HECW1: variants seen among roughly 807,000 people sequenced by gnomAD.
HECW1 encodes HECT, C2 and WW domain containing E3 ubiquitin protein ligase 1.
HECW1 carries 61 observed loss-of-function variants against 182.3 expected under a neutral mutation model. The observed-to-expected ratio is 0.33, with a 90% CI of 0.27 to 0.41. The LOEUF is 0.41. HECW1 is among the 10% of genes least tolerant of loss of function. HECW1 has a pLI of 1.00. For synonymous variants in HECW1, 859 were observed against 832.6 expected (o/e 1.03, Z -0.55); for missense variants, 1,739 against 2,108.9 (o/e 0.82, Z 3.44).
At chr7:43,235,918 G>A (rs766635437) in intron 2 of HECW1, among the ~76,000 whole-genome samples, 42 of 152,190 alleles carry the variant, frequency 2.8e-4, no homozygotes, top group Non-Finnish European at 5.7e-4. Flanking sequence ...GCCGGGCACG[G>A]TGGTTCACAC....
Position 43,563,162 on chromosome 7 carries a change from G to A in HECW1, c.*1236G>A. On this transcript the variant is annotated 3_prime_UTR_variant, in exon 30 of 30. Transcript: ENST00000395891. ...TCCTTCACCCATAGTAATCCTCCTG[G>A]GGCAGAAACATAACACCCCAAAGGC... 4.9e-6 allele frequency: 1 copy of A among 202,974 alleles called. No homozygotes were observed. Among genetic ancestry groups the A allele is most frequent in the East Asian group, 7.6e-5 (1 of 13,158 alleles). The allele number at this position is 202,974 out of a possible 1,614,324, so 12.6% of individuals were successfully genotyped here.
chr7:43,134,629 C>G (rs951319078), intron 2 of HECW1, among the ~76,000 whole-genome samples: 1 of 151,974 alleles, frequency 6.6e-6, no homozygotes, highest in Non-Finnish European at 1.5e-5. Context: ...CCTCAGCCTC[C>G]TAAGTAGTTG....
At chr7:43,118,915 C>T (rs1785305932) in intron 2 of HECW1, 1 of 152,124 alleles carries the variant, frequency 6.6e-6, no homozygotes, top group South Asian at 2.1e-4. Context: ...ACTCCACATC[C>T]CCCATGATGG....
chr7:43,445,320 C>T lies in HECW1; in HGVS notation c.2148C>T (p.His716=). ...ACAACGGCAACAGGTTCGCCAGCCA[C>T]ACGCGCTTCTCCTCCGTGGACAGCG... The part of the protein sequence containing the change: ...SCYNGNRFAS[H]TRFSSVDSAK... Residue 716 remains histidine (H), a synonymous_variant, in exon 11 of 30, where the codon CAC becomes CAT. Coordinates refer to ENST00000395891, the MANE Select transcript of HECW1 (RefSeq NM_015052.5). The T allele has an allele frequency of 6.2e-7, 1 of 1,613,806 alleles. No individual in the cohort carries two copies. Among genetic ancestry groups the T allele is most frequent in the Middle Eastern group, 1.6e-4 (1 of 6,062 alleles).
chr7:43,530,407 G>T (rs1176525087), intron 24 of HECW1, among the ~76,000 whole-genome samples: 1 of 151,718 alleles, frequency 6.6e-6, no homozygotes, highest in African/African-American at 2.4e-5. Context: ...CATCAGTAAG[G>T]TATACTCATT....
At chr7:43,499,332 G>A (rs2079242338) in intron 19 of HECW1, among the ~76,000 whole-genome samples, 1 of 151,964 alleles carries the variant, frequency 6.6e-6, no homozygotes, top group Admixed American at 6.6e-5. Flanking sequence ...AGCTGAGTGT[G>A]GCGGTGCATG....
At chr7:43,225,517 G>A (rs1286642004) in intron 2 of HECW1, among the ~76,000 whole-genome samples, 4 of 152,114 alleles carry the variant, frequency 2.6e-5, no homozygotes, top group Non-Finnish European at 5.9e-5. Flanking sequence ...TCATCTGTAG[G>A]AGAACAGATA....
chr7:43,159,179 A>AT (rs1790222637), intron 2 of HECW1, among the ~76,000 whole-genome samples: 1 of 92,480 alleles, frequency 1.1e-5, no homozygotes, highest in East Asian at 3.7e-4. Flanking sequence ...ACCTTTGTTC[A>AT]TTTTCTTTTT....
At chr7:43,228,025 T>A (rs1197696114) in intron 2 of HECW1, among the ~76,000 whole-genome samples, 1 of 152,234 alleles carries the variant, frequency 6.6e-6, no homozygotes, top group Non-Finnish European at 1.5e-5. Flanking sequence ...TACCTCTATC[T>A]GGCTGGGAAG....
chr7:43,394,271 G>A (rs10951730), intron 6 of HECW1, among the ~76,000 whole-genome samples: 18,981 of 152,174 alleles, frequency 0.12, 1,331 homozygotes, highest in East Asian at 0.22. Flanking sequence ...TGTGGTCTCT[G>A]AACTGATGGC....
At chr7:43,202,771 G>A (rs770576514) in intron 2 of HECW1, among the ~76,000 whole-genome samples, 1 of 152,198 alleles carries the variant, frequency 6.6e-6, no homozygotes, top group Non-Finnish European at 1.5e-5. Context: ...TATACATCCA[G>A]ATGGCCTGAA....
intron 2 of HECW1, among the ~76,000 whole-genome samples, chr7:43,117,518 G>A (rs1165004261): frequency 8.1e-6 from 1 of 123,846 alleles, no homozygotes; most frequent in Non-Finnish European, 1.7e-5. Context: ...CATTACCATT[G>A]CTTTTCCAAG....
chr7:43,136,389 T>C (rs1188143137), intron 2 of HECW1, among the ~76,000 whole-genome samples: 2 of 152,220 alleles, frequency 1.3e-5, no homozygotes, highest in Non-Finnish European at 2.9e-5. Flanking sequence ...GCAGAGCTCT[T>C]TAGCTCTTCA....
intron 2 of HECW1, among the ~76,000 whole-genome samples, chr7:43,159,343 C>T (rs1416788109): frequency 6.6e-6 from 1 of 151,164 alleles, no homozygotes; most frequent in African/African-American, 2.4e-5. Flanking sequence ...AGCCCCCAAC[C>T]CCCCGACAGG....
chr7:43,291,379 G>C (rs562833914), intron 3 of HECW1, among the ~76,000 whole-genome samples: 2 of 152,304 alleles, frequency 1.3e-5, no homozygotes, highest in African/African-American at 4.8e-5. Context: ...AATAGGTAAA[G>C]GCAAGGGAGA....
At chr7:43,396,713 G>A in intron 6 of HECW1, 101 bp from the exon 7 acceptor site, 2 of 773,942 alleles carry the variant, frequency 2.6e-6, no homozygotes, top group Non-Finnish European at 4.5e-6. Context: ...TTCGTTGCCT[G>A]TAGCTGGTAA....
chr7:43,350,231 T>A (rs968614838), intron 5 of HECW1, among the ~76,000 whole-genome samples: 3 of 152,220 alleles, frequency 2.0e-5, no homozygotes, highest in African/African-American at 7.2e-5. Flanking sequence ...CTGAGAAATC[T>A]GCTGTCAATC....
intron 2 of HECW1, among the ~76,000 whole-genome samples, chr7:43,117,191 T>C (rs1021365310): frequency 6.6e-6 from 1 of 152,234 alleles, no homozygotes; most frequent in African/African-American, 2.4e-5. Context: ...GTGTTTAGAA[T>C]TTGGGGGTTT....
chr7:43,454,798 CTG>C (rs2077345357), intron 12 of HECW1, among the ~76,000 whole-genome samples: 1 of 152,184 alleles, frequency 6.6e-6, no homozygotes, highest in Non-Finnish European at 1.5e-5. Context: ...TTCAATGAAA[CTG>C]TTAGTATCTG....
Sources: gnomAD v4.1 joint callset for allele counts (sites outside exome capture counted in the v4.1 genomes callset) on GRCh38, gnomAD v4.1.1 for gene constraint, MANE v1.5 for transcripts, NCBI Gene and HGNC (gene_info 2026-07-23, HGNC 2026-07-21) for gene names.